CACNA1I: variants seen among roughly 807,000 people sequenced by gnomAD.
CACNA1I encodes the protein calcium voltage-gated channel subunit alpha1 I.
In CACNA1I, 74 loss-of-function variants were observed where a neutral mutation model predicts 201.6. The observed-to-expected ratio is 0.37, with a 90% CI of 0.30 to 0.45. The LOEUF (loss-of-function observed/expected upper bound fraction) is 0.45, where lower values mean the gene tolerates loss of function less well. Ranked by LOEUF, CACNA1I falls within the 20% of genes least tolerant of loss-of-function variation. The pLI, the probability that CACNA1I is intolerant of heterozygous loss-of-function variation, is 1.00. For synonymous variants in CACNA1I, 1,431 were observed against 1,345.2 expected, an observed-to-expected ratio of 1.06 and a Z score of -1.40; for missense variants, 2,346 against 3,138.1, an observed-to-expected ratio of 0.75 and a Z score of 6.03.
intron 1 of CACNA1I, among the ~76,000 whole-genome samples, chr22:39,579,751 A>G (rs1408670353): frequency 6.6e-6 from 1 of 151,588 alleles, no homozygotes; most frequent in Non-Finnish European, 1.5e-5. Flanking sequence ...GATTCAAGCG[A>G]TTCTCCTGCC....
chr22:39,571,062 C>A, intron 1 of CACNA1I, 74 bp downstream of exon 1: 1 of 1,277,678 alleles, frequency 7.8e-7, no homozygotes, highest in Non-Finnish European at 1.1e-6. Context: ...AGTCCTGCTG[C>A]TCACACCTTG....
rs966743518 is a variant in CACNA1I at position 39,664,222 on chromosome 22, G to A, written c.3666+63G>A. The stretch of plus-strand genomic sequence containing the variant: ...AGCTCGGGCCCCTGGCCCTGGGTCA[G>A]CCCCTGCCTCAGCTTGTCACTCGCC... On this transcript the variant is annotated intron_variant, in intron 20 of 36. Coordinates refer to ENST00000402142, the MANE Select transcript of CACNA1I (RefSeq NM_021096.4). 1.1e-5 allele frequency: 15 copies of A among 1,359,624 alleles called. No homozygotes were observed. The African/African-American group carries it at 1.9e-4, about 17-fold the overall frequency. 84.2% of individuals were successfully genotyped at this position (1,359,624 alleles called of 1,614,324 possible).
In CACNA1I at chr22:39,688,961, T is replaced by G. The variant is rs1023394864; in HGVS notation, c.*2556T>G. On this transcript the variant is annotated 3_prime_UTR_variant, in exon 37 of 37. Coordinates refer to ENST00000402142, the MANE Select transcript of CACNA1I (RefSeq NM_021096.4). This position sits in a 1 kb window ranked among gnomAD's most constrained non-coding sequence, Gnocchi z 4.8. ...GCCGATCCCAGGCACTTGACCTTGT[T>G]CCTGTGGGTGACAGAGATGAGAACC... The G allele has an allele frequency of 6.5e-6, 1 of 152,698 alleles. No individual in the cohort carries two copies. Among genetic ancestry groups the G allele is most frequent in the South Asian group, 2.1e-4 (1 of 4,826 alleles). 9.5% of individuals were successfully genotyped at this position (152,698 alleles called of 1,614,324 possible).
At chr22:39,590,300 C>T (rs1932806485) in intron 1 of CACNA1I, among the ~76,000 whole-genome samples, 1 of 152,246 alleles carries the variant, frequency 6.6e-6, no homozygotes, top group South Asian at 2.1e-4. Flanking sequence ...ATCCTCCTGG[C>T]TGGGGGACCT....
rs949488905 is a variant in CACNA1I, at chr22:39,640,976, C to T, written c.850C>T (p.Pro284Ser). Residue 284 changes from proline to serine, a missense_variant, in exon 6 of 37, where the codon CCC (proline) becomes TCC (serine). This residue lies in a region of CACNA1I where 227 missense variants were observed against 412.5 expected (regional missense o/e 0.55). Transcript: ENST00000402142. ...DNGIMGCHEIPPLKEQGRECC... is the reference protein window; with the variant it reads ...DNGIMGCHEISPLKEQGRECC... Reference sequence around the variant, plus strand: ...TGGGATAATGGGCTGCCATGAGATCCCCCCGCTCAAGGAGCAGGGCCGTGA... The same window carrying T: ...TGGGATAATGGGCTGCCATGAGATCTCCCCGCTCAAGGAGCAGGGCCGTGA... 6.2e-7 allele frequency: 1 copy of T among 1,614,006 alleles called. No individual in the cohort carries two copies. Among genetic ancestry groups the T allele is most frequent in the Non-Finnish European group, 8.5e-7 (1 of 1,179,872 alleles).
At chr22:39,576,748 G>A (rs2145799347) in intron 1 of CACNA1I, among the ~76,000 whole-genome samples, 1 of 152,300 alleles carries the variant, frequency 6.6e-6, no homozygotes, top group Non-Finnish European at 1.5e-5. Flanking sequence ...GGAAAGTTGG[G>A]CACCAGGTCT....
At position 39,659,212 on chromosome 22, in the gene CACNA1I, C is replaced by A; in HGVS notation, c.2330+96C>A. ...GTCCACTGTGCTTCTCTGGACAAAG[C>A]CACCTGGACCTGGGTGTGAAGCCTG... On this transcript the variant is annotated intron_variant, in intron 12 of 36. Transcript: ENST00000402142. The surrounding 1 kb of genome is among the most constrained non-coding windows in gnomAD (Gnocchi z 4.3). The A allele has an allele frequency of 6.9e-7, 1 of 1,442,588 alleles. No individual in the cohort carries two copies. The highest frequency in any genetic ancestry group is 9.5e-7 in the Non-Finnish European group (1 of 1,055,018). The allele number at this position is 1,442,588 out of a possible 1,614,324, so 89.4% of individuals were successfully genotyped here.
intron 1 of CACNA1I, among the ~76,000 whole-genome samples, chr22:39,588,763 C>T (rs1021515497): frequency 6.6e-6 from 1 of 152,166 alleles, no homozygotes; most frequent in African/African-American, 2.4e-5. Context: ...TGGAAGCTTC[C>T]CTGTCCCCCA....
intron 1 of CACNA1I, among the ~76,000 whole-genome samples, chr22:39,588,646 A>G (rs1932787216): frequency 6.6e-6 from 1 of 151,972 alleles, no homozygotes; most frequent in Non-Finnish European, 1.5e-5. Flanking sequence ...CAGCCTCCCA[A>G]AGTGCTGGGA....
chr22:39,671,026 G>A, intron 26 of CACNA1I, 72 bp downstream of exon 26: 1 of 1,426,544 alleles, frequency 7.0e-7, no homozygotes, highest in Admixed American at 1.8e-5. Context: ...CCCACCCCAG[G>A]GATAGGGTGG....
intron 5 of CACNA1I, among the ~76,000 whole-genome samples, chr22:39,639,889 T>A (rs1284266745): frequency 6.6e-6 from 1 of 152,238 alleles, no homozygotes; most frequent in Non-Finnish European, 1.5e-5. Flanking sequence ...TTTGCTCTCT[T>A]ATAGATCTGG....
intron 1 of CACNA1I, among the ~76,000 whole-genome samples, chr22:39,593,595 G>A (rs1273239054): frequency 3.9e-5 from 6 of 152,206 alleles, no homozygotes; most frequent in Non-Finnish European, 7.3e-5. Flanking sequence ...AAGACTGCAA[G>A]GATTCACTGA....
chr22:39,616,364 G>A (rs1032864217), intron 3 of CACNA1I, among the ~76,000 whole-genome samples: 79 of 152,178 alleles, frequency 5.2e-4, no homozygotes, highest in Admixed American at 2.0e-4. Context: ...CTGGGTCATC[G>A]TGGGCCCCCC....
intron 23 of CACNA1I, among the ~76,000 whole-genome samples, chr22:39,667,049 C>T (rs769545947): frequency 2.0e-5 from 3 of 152,200 alleles, no homozygotes; most frequent in South Asian, 2.1e-4. Flanking sequence ...TCTCTGTACT[C>T]GGAGCCACCT....
At position 39,684,378 on chromosome 22, in the gene CACNA1I, G is replaced by T; in HGVS notation, c.5907G>T (p.Val1969=). The change falls in exon 36 of 37, where the codon GTG becomes GTT. Residue 1969 remains valine (V), a synonymous_variant. Coordinates refer to ENST00000402142, the MANE Select transcript of CACNA1I (RefSeq NM_021096.4). This position sits in a 1 kb window ranked among gnomAD's most constrained non-coding sequence, Gnocchi z 4.6. The part of the protein sequence containing the change: ...PMPAEFFHPA[V]SASQKGPEKG... Reference sequence around the variant, plus strand: ...CAGCCGAGTTCTTCCACCCTGCAGTGTCTGCCAGCCAGAAAGGCCCAGAAA... The same window carrying T: ...CAGCCGAGTTCTTCCACCCTGCAGTTTCTGCCAGCCAGAAAGGCCCAGAAA... 6.2e-7 allele frequency: 1 copy of T among 1,613,608 alleles called. No homozygotes were observed. Among genetic ancestry groups the T allele is most frequent in the Non-Finnish European group, 8.5e-7 (1 of 1,179,830 alleles).
intron 3 of CACNA1I, among the ~76,000 whole-genome samples, chr22:39,611,801 G>A (rs1205487678): frequency 6.6e-6 from 1 of 152,154 alleles, no homozygotes; most frequent in Non-Finnish European, 1.5e-5. Context: ...TCCCAGAGCT[G>A]CCCTGGTTCC....
At position 39,648,663 on chromosome 22, in the gene CACNA1I, CT is replaced by C. The variant is rs563991755; in HGVS notation, c.1567+741del. ...GGAAATGAAGGGTAGGCGTGACATG[CT>C]TTTCTTTCCCTTTCATGTTACTTTT... On this transcript the variant is annotated intron_variant, in intron 9 of 36. Coordinates refer to ENST00000402142, the MANE Select transcript of CACNA1I (RefSeq NM_021096.4). This position sits in a 1 kb window ranked among gnomAD's most constrained non-coding sequence, Gnocchi z 5.4. 1.9e-3 allele frequency among the ~76,000 whole-genome samples: 283 copies of C among 152,222 alleles called. No homozygotes were observed. The highest frequency in any genetic ancestry group is 3.4e-3 in the Non-Finnish European group (233 of 68,010).
At chr22:39,656,700 C>T (rs765744922) in intron 10 of CACNA1I, 5 of 518,872 alleles carry the variant, frequency 9.6e-6, no homozygotes, top group Admixed American at 1.9e-5. Flanking sequence ...TGTGGTGTAA[C>T]GGGAGAGCAG....
At chr22:39,655,230 T>G (rs1469839252) in intron 10 of CACNA1I, among the ~76,000 whole-genome samples, 2 of 149,994 alleles carry the variant, frequency 1.3e-5, no homozygotes, top group African/African-American at 5.0e-5. Flanking sequence ...CTGCCATTAT[T>G]ATGATGGGGA....
Sources: gnomAD v4.1 joint callset for allele counts (sites outside exome capture counted in the v4.1 genomes callset) on GRCh38, gnomAD v4.1.1 for gene constraint, gnomAD v4.1.1 regional missense constraint, Gnocchi (gnomAD v3.1) non-coding constraint, MANE v1.5 for transcripts, NCBI Gene and HGNC (gene_info 2026-07-23, HGNC 2026-07-21) for gene names.